The following RPF2 variants were observed in gnomAD, a reference collection of about 807,000 sequenced individuals.
RPF2 encodes the protein brix domain containing 1.
RPF2 carries 21 observed loss-of-function variants against 38.9 expected under a neutral mutation model. The observed-to-expected ratio is 0.54, with a 90% CI of 0.38 to 0.78. The LOEUF (loss-of-function observed/expected upper bound fraction) is 0.78. RPF2 is among the 30% of genes least tolerant of loss of function. The pLI is 0.00. For synonymous variants in RPF2, 121 were observed against 126.2 expected (o/e 0.96, Z 0.28); for missense variants, 314 against 358.1 (o/e 0.88, Z 0.99).
At chr6:110,986,006 G>A (rs1771519228) in intron 2 of RPF2, among the ~76,000 whole-genome samples, 2 of 152,066 alleles carry the variant, frequency 1.3e-5, no homozygotes, top group African/African-American at 2.4e-5. Context: ...TAACACTGCA[G>A]CTTCATTTTG....
At chr6:111,004,992 T>C (rs1771884489) in intron 6 of RPF2, among the ~76,000 whole-genome samples, 2 of 152,174 alleles carry the variant, frequency 1.3e-5, no homozygotes, top group Admixed American at 1.3e-4. Context: ...CAAAAGTTGT[T>C]GTTGATGATG....
intron 8 of RPF2, among the ~76,000 whole-genome samples, chr6:111,017,662 G>A (rs1435798598): frequency 3.4e-5 from 5 of 147,926 alleles, no homozygotes; most frequent in South Asian, 2.1e-4. Flanking sequence ...ATGGGCGGCC[G>A]GGCAGAGACA....
chr6:111,025,638 G>A lies in RPF2; in HGVS notation c.*56G>A, dbSNP rs188461842. On this transcript the variant is annotated 3_prime_UTR_variant, in exon 10 of 10. Coordinates refer to ENST00000441448, the MANE Select transcript of RPF2 (RefSeq NM_032194.3). Reference sequence around the variant, plus strand: ...GTGTTCTACTTAAGAGAATTATCAAGCGTCAATCCATTCAGAGTTTCTTAT... The same window carrying A: ...GTGTTCTACTTAAGAGAATTATCAAACGTCAATCCATTCAGAGTTTCTTAT... 7.3e-5 allele frequency: 96 copies of A among 1,317,004 alleles called. No homozygotes were observed. The South Asian group carries it at 1.3e-3, about 17-fold the overall frequency. The allele number at this position is 1,317,004 out of a possible 1,614,324, so 81.6% of individuals were successfully genotyped here.
rs762161526 is a variant in RPF2 at position 110,982,167 on chromosome 6, G to A, written c.23+38G>A. 55 of 1,611,118 alleles carry A rather than the reference G, an allele frequency of 3.4e-5. No individual in the cohort carries two copies. The East Asian group carries it at 1.1e-3, about 33-fold the overall frequency. ...GGTCTCAGCCCCGGGGAGCGTTGGGGTGAAAGGGTCCCGTGATGAGGGTGG... is the reference window on the plus strand; with the variant it reads ...GGTCTCAGCCCCGGGGAGCGTTGGGATGAAAGGGTCCCGTGATGAGGGTGG... On this transcript the variant is annotated intron_variant, in intron 1 of 9. Transcript: ENST00000441448.
rs1443081192 is a variant in RPF2 at position 110,990,158 on chromosome 6, G to A, written c.194+1093G>A. Among the ~76,000 whole-genome samples, 3 of 146,520 alleles carry A rather than the reference G, an allele frequency of 2.0e-5. No individual in the cohort carries two copies. The East Asian group carries it at 6.2e-4, about 30-fold the overall frequency. On this transcript the variant is annotated intron_variant, in intron 3 of 9. Transcript: ENST00000441448. ...TCTCCATGTTGGTCAGGCTGGTCTCGAACTCCCGACCTCAGGTGACCTGCC... is the reference window on the plus strand; with the variant it reads ...TCTCCATGTTGGTCAGGCTGGTCTCAAACTCCCGACCTCAGGTGACCTGCC...
intron 4 of RPF2, among the ~76,000 whole-genome samples, chr6:110,994,727 G>GTGTATATATATATATATA (rs1554247818): frequency 1.9e-5 from 2 of 107,364 alleles, no homozygotes; most frequent in African/African-American, 9.2e-5. Context: ...AATGGGATGA[G>GTGTATATATATATATATA]TATATATACA....
chr6:111,022,724 A>G (rs1257897129), intron 8 of RPF2, among the ~76,000 whole-genome samples: 1 of 152,246 alleles, frequency 6.6e-6, no homozygotes, highest in African/African-American at 2.4e-5. Flanking sequence ...AAGGTGCTTC[A>G]GTTAATTAAA....
chr6:110,986,736 G>A (rs1034167012), intron 2 of RPF2, among the ~76,000 whole-genome samples: 4 of 151,934 alleles, frequency 2.6e-5, no homozygotes, highest in African/African-American at 7.3e-5. Flanking sequence ...GGCGGATCAC[G>A]GGGTCAGGAG....
chr6:111,002,656 C>T (rs1465884307), intron 6 of RPF2, among the ~76,000 whole-genome samples: 5 of 152,164 alleles, frequency 3.3e-5, no homozygotes, highest in African/African-American at 4.8e-5. Flanking sequence ...TAACAAGAAC[C>T]ATTTAAATTG....
At chr6:111,010,292 T>C (rs551548996) in intron 7 of RPF2, among the ~76,000 whole-genome samples, 10 of 151,828 alleles carry the variant, frequency 6.6e-5, no homozygotes, top group African/African-American at 2.2e-4. Flanking sequence ...AGCTAATTTT[T>C]ATTTTAATTT....
chr6:111,017,375 A>T (rs1583274336), intron 8 of RPF2, among the ~76,000 whole-genome samples: 1 of 143,762 alleles, frequency 7.0e-6, no homozygotes, highest in East Asian at 2.2e-4. Context: ...TCCCTCCTGG[A>T]CGGGGCGGCT....
At chr6:111,002,913 C>T (rs543440651) in intron 6 of RPF2, among the ~76,000 whole-genome samples, 21 of 151,166 alleles carry the variant, frequency 1.4e-4, no homozygotes, top group South Asian at 1.3e-3. Flanking sequence ...GGATTACAGG[C>T]GCCCACACTC....
At chr6:110,992,140 C>G (rs1771631746) in intron 4 of RPF2, among the ~76,000 whole-genome samples, 1 of 151,970 alleles carries the variant, frequency 6.6e-6, no homozygotes, top group Non-Finnish European at 1.5e-5. Flanking sequence ...AACCCCGTCT[C>G]TACTAAAAAT....
At chr6:110,984,555 T>A (rs1771491162) in intron 1 of RPF2, among the ~76,000 whole-genome samples, 1 of 152,036 alleles carries the variant, frequency 6.6e-6, no homozygotes, top group Non-Finnish European at 1.5e-5. Flanking sequence ...AAAAGTGAGA[T>A]TTTGGCCGGC....
intron 8 of RPF2, among the ~76,000 whole-genome samples, chr6:111,021,694 G>T (rs1358503986): frequency 6.6e-6 from 1 of 152,152 alleles, no homozygotes; most frequent in Non-Finnish European, 1.5e-5. Flanking sequence ...AAGAGTAAAG[G>T]GGTACTCATA....
chr6:110,984,843 A>AACAG lies in RPF2; in HGVS notation c.24-160_24-159insGACA, dbSNP rs752595273. ...TGACAGAGTGAGACTCCATCTCAAA[A>AACAG]ACAAACAAAAAAAAACAAACAAAAA... is the stretch of plus-strand genomic sequence containing the variant. On this transcript the variant is annotated intron_variant, in intron 1 of 9. Coordinates refer to ENST00000441448, the MANE Select transcript of RPF2 (RefSeq NM_032194.3). Among the ~76,000 whole-genome samples, 58 of 150,988 alleles carry AACAG rather than the reference A, an allele frequency of 3.8e-4. 1 individual carries two copies. Among genetic ancestry groups the AACAG allele is most frequent in the South Asian group, 1.1e-3 (5 of 4,740 alleles).
chr6:110,988,183 A>G (rs973767925), intron 2 of RPF2, among the ~76,000 whole-genome samples: 1 of 152,106 alleles, frequency 6.6e-6, no homozygotes, highest in Admixed American at 6.6e-5. Flanking sequence ...AGCCTGGGCA[A>G]CAGAGTGAGA....
Position 110,999,755 on chromosome 6 carries a change from A to G in RPF2, c.361A>G (p.Ile121Val). The G allele has an allele frequency of 6.3e-7, 1 of 1,598,524 alleles. No homozygotes were observed. Among genetic ancestry groups the G allele is most frequent in the Non-Finnish European group, 8.6e-7 (1 of 1,166,126 alleles). Residue 121 changes from isoleucine (I) to valine (V), a missense_variant, in exon 6 of 10, where the codon ATT becomes GTT. Ile to Val is a conservative substitution (Grantham distance 29). Transcript: ENST00000441448. ...TGTGCTGGATATGATTGAATTAGGT[A>G]TTGAGAATTTTGTCTCTCTAAAAGA... is the stretch of plus-strand genomic sequence containing the variant. ...YHVLDMIELG[I>V]ENFVSLKDIK... is the part of the protein sequence containing the mutation.
intron 2 of RPF2, 56 bp downstream of exon 2, chr6:110,985,194 C>T: frequency 6.8e-7 from 1 of 1,466,860 alleles, no homozygotes; most frequent in Non-Finnish European, 9.3e-7. Context: ...GAATTTTCAG[C>T]ATGCTAGGAT....
Sources: allele counts gnomAD v4.1 joint callset (sites outside exome capture counted in the v4.1 genomes callset), GRCh38; gene constraint gnomAD v4.1.1; transcripts MANE v1.5; gene names NCBI Gene and HGNC (gene_info 2026-07-23, HGNC 2026-07-21).